Variants in CUX2 observed in about 807,000 individuals in gnomAD.
The protein encoded by CUX2 is homeobox protein cut-like 2.
In CUX2, 40 loss-of-function variants were observed where a neutral mutation model predicts 144.8. The observed-to-expected ratio is 0.28, with a 90% CI of 0.21 to 0.36. The LOEUF (loss-of-function observed/expected upper bound fraction) is 0.36, where lower values mean the gene tolerates loss of function less well. Among genes scored for constraint, CUX2 ranks in the 10% least tolerant of loss-of-function variants. The pLI is 1.00. For missense variants in CUX2, 1,615 were observed against 1,994.0 expected (o/e 0.81, Z 3.62); for synonymous variants, 827 against 875.6 (o/e 0.94, Z 0.98).
intron 1 of CUX2, among the ~76,000 whole-genome samples, chr12:111,164,154 C>G (rs1447089916): frequency 6.6e-6 from 1 of 152,154 alleles, no homozygotes; most frequent in Non-Finnish European, 1.5e-5. Flanking sequence ...AACTCACAGA[C>G]TCTCTGGGGG....
At chr12:111,264,476 T>C (rs1165054227) in intron 4 of CUX2, among the ~76,000 whole-genome samples, 5 of 152,184 alleles carry the variant, frequency 3.3e-5, no homozygotes, top group Admixed American at 1.3e-4. Context: ...GGATCACGCC[T>C]GTAATCTCAG....
At chr12:111,128,494 C>T (rs1875235126) in intron 1 of CUX2, among the ~76,000 whole-genome samples, 1 of 152,228 alleles carries the variant, frequency 6.6e-6, no homozygotes, top group Non-Finnish European at 1.5e-5. Context: ...ATGTAACTTA[C>T]TGGTGCCTTC....
At position 111,150,615 on chromosome 12, in the gene CUX2, C is replaced by T. The variant is rs377710824; in HGVS notation, c.64-63585C>T. 3.9e-5 allele frequency among the ~76,000 whole-genome samples: 6 copies of T among 152,278 alleles called. 1 individual carries two copies. The highest frequency in any genetic ancestry group is 1.4e-4 in the African/African-American group (6 of 41,544). On this transcript the variant is annotated intron_variant, in intron 1 of 21. Coordinates refer to ENST00000261726, the MANE Select transcript of CUX2 (RefSeq NM_015267.4). ...GGAATAAGGAGCCTGAAATCTTCAT[C>T]TTACTTCTGCCCCGGGCAGGAGGCA...
chr12:111,203,823 G>T (rs1880758972), intron 1 of CUX2, among the ~76,000 whole-genome samples: 1 of 152,214 alleles, frequency 6.6e-6, no homozygotes, highest in African/African-American at 2.4e-5. Context: ...GGTCACCTAG[G>T]CAGGCAATGA....
rs924851595 is a variant in CUX2 at position 111,087,853 on chromosome 12, T to C, written c.63+53613T>C. On this transcript the variant is annotated intron_variant, in intron 1 of 21. Coordinates refer to ENST00000261726, the MANE Select transcript of CUX2 (RefSeq NM_015267.4). ...GTTTACCCCAAAACCTGCACACAAA[T>C]GTTCTCAGAAGCTTTATTCATGAGT... Among the ~76,000 whole-genome samples, 5 of 152,306 alleles carry C rather than the reference T, an allele frequency of 3.3e-5. No individual in the cohort carries two copies. In the South Asian group the frequency reaches 1.0e-3, roughly 32 times the overall value.
chr12:111,220,042 T>C (rs1217650854), intron 3 of CUX2, among the ~76,000 whole-genome samples: 2 of 151,206 alleles, frequency 1.3e-5, no homozygotes, highest in Non-Finnish European at 2.9e-5. Flanking sequence ...TACTCAGGAG[T>C]CTGAGGCAGG....
intron 4 of CUX2, among the ~76,000 whole-genome samples, chr12:111,279,938 C>T (rs1383274820): frequency 3.9e-5 from 6 of 151,916 alleles, no homozygotes; most frequent in South Asian, 2.1e-4. Flanking sequence ...GCCGAGATTG[C>T]GCCACTGCAC....
At chr12:111,340,718 C>T (rs1282734102) in intron 20 of CUX2, among the ~76,000 whole-genome samples, 3 of 152,196 alleles carry the variant, frequency 2.0e-5, no homozygotes, top group Non-Finnish European at 4.4e-5. Flanking sequence ...ACGATTTAGC[C>T]TAAATATTTG....
chr12:111,239,735 C>T (rs1286169591), intron 3 of CUX2, among the ~76,000 whole-genome samples: 1 of 152,006 alleles, frequency 6.6e-6, no homozygotes, highest in Non-Finnish European at 1.5e-5. Flanking sequence ...TCGCCTGTTG[C>T]TTTCTACAAT....
At chr12:111,303,352 T>C (rs1204551837) in intron 9 of CUX2, among the ~76,000 whole-genome samples, 1 of 150,624 alleles carries the variant, frequency 6.6e-6, no homozygotes, top group Admixed American at 6.6e-5. Context: ...AAAGAGAAAC[T>C]GAGCTGGGCA....
Position 111,263,796 on chromosome 12 carries a change from G to A in CUX2, c.258G>A (p.Glu86=). 3 of 1,614,182 alleles carry A rather than the reference G, an allele frequency of 1.9e-6. No individual in the cohort carries two copies. The highest frequency in any genetic ancestry group is 1.1e-5 in the South Asian group (1 of 91,088). ...VALSKRSQEA[E]AAFLSVYKQL... ...TTAGTAAGAGAAGTCAGGAGGCGGAGGCTGCTTTTCTGAGTGTTTACAAGC... is the reference window on the plus strand; with the variant it reads ...TTAGTAAGAGAAGTCAGGAGGCGGAAGCTGCTTTTCTGAGTGTTTACAAGC... The change falls in exon 4 of 22, where the codon GAG becomes GAA. Residue 86 remains glutamate (E), a synonymous_variant. Transcript: ENST00000261726. The surrounding 1 kb of genome is among the most constrained non-coding windows in gnomAD (Gnocchi z 4.0).
intron 19 of CUX2, among the ~76,000 whole-genome samples, 169 bp from the exon 20 acceptor site, chr12:111,338,117 G>T (rs1247582628): frequency 2.0e-5 from 3 of 151,972 alleles, no homozygotes. Flanking sequence ...GACCCCCCTC[G>T]GCTTCACATC....
intron 1 of CUX2, among the ~76,000 whole-genome samples, chr12:111,094,649 C>T (rs1872719451): frequency 6.6e-6 from 1 of 152,198 alleles, no homozygotes; most frequent in African/African-American, 2.4e-5. Flanking sequence ...AGGCGTGTGC[C>T]ACCATGTCTG....
At chr12:111,095,055 C>A (rs1047831489) in intron 1 of CUX2, among the ~76,000 whole-genome samples, 1 of 152,144 alleles carries the variant, frequency 6.6e-6, no homozygotes, top group African/African-American at 2.4e-5. Flanking sequence ...CGCAAGCACC[C>A]AGGGACTTCA....
At chr12:111,315,846 CCT>C (rs1435319259) in intron 16 of CUX2, among the ~76,000 whole-genome samples, 3 of 151,962 alleles carry the variant, frequency 2.0e-5, no homozygotes, top group Non-Finnish European at 4.4e-5. Flanking sequence ...ATACCAAGAC[CCT>C]GTCTCCAAAA....
chr12:111,214,171 CTCTTT>C, intron 1 of CUX2, 24 bp from the exon 2 acceptor site: 14 of 1,176,508 alleles, frequency 1.2e-5, no homozygotes, highest in African/African-American at 3.9e-5. Context: ...TTCTCTCTCT[CTCTTT>C]TTTTTTTTTT....
intron 16 of CUX2, among the ~76,000 whole-genome samples, chr12:111,315,718 C>CA (rs902173231): frequency 2.9e-4 from 43 of 149,910 alleles, no homozygotes; most frequent in Middle Eastern, 3.4e-3. Flanking sequence ...GACTCGGTCT[C>CA]AAAAAAAAAG....
At position 111,190,868 on chromosome 12, in the gene CUX2, C is replaced by T. The variant is rs1243617621; in HGVS notation, c.64-23332C>T. On this transcript the variant is annotated intron_variant, in intron 1 of 21. Coordinates refer to ENST00000261726, the MANE Select transcript of CUX2 (RefSeq NM_015267.4). The surrounding 1 kb of genome is among the most constrained non-coding windows in gnomAD (Gnocchi z 4.0). ...CTCCTGCCATGAAACTGACACCCTC[C>T]AAGGACCCTCCTCACACTCACCTCC... Among the ~76,000 whole-genome samples the T allele has an allele frequency of 6.6e-6, 1 of 152,190 alleles. No individual in the cohort carries two copies. The highest frequency in any genetic ancestry group is 1.5e-5 in the Non-Finnish European group (1 of 68,026).
chr12:111,241,767 A>G (rs749014661), intron 3 of CUX2, among the ~76,000 whole-genome samples: 4 of 152,270 alleles, frequency 2.6e-5, no homozygotes, highest in Non-Finnish European at 4.4e-5. Context: ...GATACTGATC[A>G]TCAGAACTTG....
Sources: allele counts gnomAD v4.1 joint callset (sites outside exome capture counted in the v4.1 genomes callset), GRCh38; gene constraint gnomAD v4.1.1; non-coding constraint Gnocchi (gnomAD v3.1); transcripts MANE v1.5; gene names NCBI Gene and HGNC (gene_info 2026-07-23, HGNC 2026-07-21).